SRD5A2: variants seen among roughly 807,000 people sequenced by gnomAD.
The protein encoded by SRD5A2 is 3-oxo-5-alpha-steroid 4-dehydrogenase 2.
Under a neutral mutation model 27.4 loss-of-function variants are expected in SRD5A2, and 30 were observed. The observed-to-expected ratio is 1.10, with a 90% confidence interval of 0.82 to 1.49. The LOEUF is 1.49. SRD5A2 is among the 40% of genes most tolerant of loss of function. The pLI is 0.00. For missense variants in SRD5A2, 348 were observed against 323.4 expected, an observed-to-expected ratio of 1.08 and a Z score of -0.58; for synonymous variants, 141 against 133.6, an observed-to-expected ratio of 1.06 and a Z score of -0.38.
the SRD5A2 span, among the ~76,000 whole-genome samples, chr2:31,611,633 T>A: frequency 6.6e-6 from 1 of 152,136 alleles, no homozygotes; most frequent in Non-Finnish European, 1.5e-5. Flanking sequence ...AAACATAATT[T>A]CACACCTACT....
the SRD5A2 span, among the ~76,000 whole-genome samples, chr2:31,587,827 A>G: frequency 5.3e-3 from 814 of 152,262 alleles, 6 homozygotes; most frequent in African/African-American, 0.017. Context: ...TGACGGGTTG[A>G]AGGTGCAGCA....
the SRD5A2 span, among the ~76,000 whole-genome samples, chr2:31,624,386 T>C: frequency 6.6e-6 from 1 of 152,174 alleles, no homozygotes; most frequent in Non-Finnish European, 1.5e-5. Context: ...AATTCTACTT[T>C]AAGTTCTAGG....
chr2:31,560,067 C>G (rs932106796), intron 1 of SRD5A2, among the ~76,000 whole-genome samples: 35 of 130,546 alleles, frequency 2.7e-4, no homozygotes, highest in East Asian at 7.6e-4. Flanking sequence ...CCCCCCCCCC[C>G]CTTTTTTTAA....
At chr2:31,634,903 TATG>T in the SRD5A2 span, among the ~76,000 whole-genome samples, 5 of 152,210 alleles carry the variant, frequency 3.3e-5, no homozygotes, top group African/African-American at 1.2e-4. Flanking sequence ...CCATTGGGTA[TATG>T]TAGCACATTT....
chr2:31,612,575 T>C, the SRD5A2 span, among the ~76,000 whole-genome samples: 1 of 152,190 alleles, frequency 6.6e-6, no homozygotes, highest in African/African-American at 2.4e-5. Flanking sequence ...TTAATATTGT[T>C]AAAATGTCTA....
At chr2:31,628,802 C>T in the SRD5A2 span, among the ~76,000 whole-genome samples, 7 of 152,226 alleles carry the variant, frequency 4.6e-5, no homozygotes, top group African/African-American at 1.4e-4. Context: ...TTTCTGCTTA[C>T]AGGTCTACTG....
In SRD5A2 at chr2:31,526,144, G is replaced by T. The variant is rs1665775632; in HGVS notation, c.*52C>A. 2.6e-6 allele frequency: 3 copies of T among 1,152,282 alleles called. No individual in the cohort carries two copies. Among genetic ancestry groups the T allele is most frequent in the Admixed American group, 4.0e-5 (2 of 49,654 alleles). The allele number at this position is 1,152,282 out of a possible 1,614,324, so 71.4% of individuals were successfully genotyped here. A position where few individuals can be genotyped will look rare whatever the true frequency, so the allele number is the denominator to read the frequency against. On this transcript the variant is annotated 3_prime_UTR_variant, in exon 5 of 5. Coordinates refer to ENST00000622030, the MANE Select transcript of SRD5A2 (RefSeq NM_000348.4). Reference sequence around the variant, plus strand: ...ATGAAAATTACAGTTTCAGCAGCTTGACAGTTTTCATCAGCATTGTGGGAG... The same window carrying T: ...ATGAAAATTACAGTTTCAGCAGCTTTACAGTTTTCATCAGCATTGTGGGAG...
At chr2:31,586,119 GATTT>G in the SRD5A2 span, among the ~76,000 whole-genome samples, 4 of 152,104 alleles carry the variant, frequency 2.6e-5, no homozygotes, top group Non-Finnish European at 5.9e-5. Flanking sequence ...TCTTAGTGGT[GATTT>G]CTGAGATTTT....
At chr2:31,533,104 G>T (rs529208442) in intron 2 of SRD5A2, among the ~76,000 whole-genome samples, 156 of 152,294 alleles carry the variant, frequency 1.0e-3, no homozygotes, top group African/African-American at 3.5e-3. Flanking sequence ...ATTGGTGTTA[G>T]TGAATTATAT....
At chr2:31,623,681 A>G in the SRD5A2 span, among the ~76,000 whole-genome samples, 8 of 152,064 alleles carry the variant, frequency 5.3e-5, no homozygotes, top group African/African-American at 1.9e-4. Context: ...GTCTTGAGCC[A>G]CTTTTCAAGG....
the SRD5A2 span, among the ~76,000 whole-genome samples, chr2:31,656,212 T>C: frequency 1.3e-4 from 20 of 152,338 alleles, no homozygotes; most frequent in East Asian, 3.3e-3. Context: ...CCTTCTAGCA[T>C]AGTTTTGCAT....
chr2:31,536,203 A>G lies in SRD5A2; in HGVS notation c.282-2437T>C, dbSNP rs559745467. On this transcript the variant is annotated intron_variant, in intron 1 of 4. Transcript: ENST00000622030. Reference sequence around the variant, plus strand: ...AAAGGCTACAGAAAGGTATTTTTTAAAAAGTTGTATTTTTGTAATACTTGC... The same window carrying G: ...AAAGGCTACAGAAAGGTATTTTTTAGAAAGTTGTATTTTTGTAATACTTGC... Among the ~76,000 whole-genome samples the G allele has an allele frequency of 6.6e-5, 10 of 152,366 alleles. No homozygotes were observed. In the South Asian group the frequency reaches 1.2e-3, roughly 19 times the overall value.
chr2:31,551,791 CT>C (rs1666384893), intron 1 of SRD5A2, among the ~76,000 whole-genome samples: 1 of 151,976 alleles, frequency 6.6e-6, no homozygotes, highest in Admixed American at 6.6e-5. Flanking sequence ...AGATTTAAGA[CT>C]TATTAAATAG....
Position 31,577,992 on chromosome 2 carries a change from T to A in SRD5A2, c.281+2628A>T, listed in dbSNP as rs148409459. 1.2e-4 allele frequency among the ~76,000 whole-genome samples: 18 copies of A among 152,250 alleles called. No homozygotes were observed. The East Asian group carries it at 3.5e-3, about 29-fold the overall frequency. ...TATAGGTAAATTATTATTTTTACAGTAGATGAAATAAGCAGATATTAAGAA... is the reference window on the plus strand; with the variant it reads ...TATAGGTAAATTATTATTTTTACAGAAGATGAAATAAGCAGATATTAAGAA... On this transcript the variant is annotated intron_variant, in intron 1 of 4. Transcript: ENST00000622030.
chr2:31,617,112 C>A, the SRD5A2 span, among the ~76,000 whole-genome samples: 1 of 152,122 alleles, frequency 6.6e-6, no homozygotes, highest in Admixed American at 6.5e-5. Context: ...TATGAGGCTT[C>A]CCCAGCCACG....
At chr2:31,540,427 C>G (rs764752270) in intron 1 of SRD5A2, among the ~76,000 whole-genome samples, 5 of 151,958 alleles carry the variant, frequency 3.3e-5, no homozygotes, top group Non-Finnish European at 7.4e-5. Flanking sequence ...TAAAACATAA[C>G]CAAACAATAG....
At chr2:31,616,681 T>C in the SRD5A2 span, among the ~76,000 whole-genome samples, 2 of 152,202 alleles carry the variant, frequency 1.3e-5, no homozygotes, top group Non-Finnish European at 2.9e-5. Context: ...TTCCTTTTGA[T>C]TTTACAGGCT....
chr2:31,630,832 C>A, the SRD5A2 span, among the ~76,000 whole-genome samples: 1 of 152,146 alleles, frequency 6.6e-6, no homozygotes, highest in African/African-American at 2.4e-5. Context: ...GGATTTAAAT[C>A]TTAATTACCA....
At chr2:31,591,237 C>A in the SRD5A2 span, among the ~76,000 whole-genome samples, 2 of 152,250 alleles carry the variant, frequency 1.3e-5, no homozygotes, top group Admixed American at 6.5e-5. Context: ...AACAAATTTA[C>A]AAGAGAAAAA....
Sources: gnomAD v4.1 joint callset for allele counts (sites outside exome capture counted in the v4.1 genomes callset) on GRCh38, gnomAD v4.1.1 for gene constraint, MANE v1.5 for transcripts, NCBI Gene and HGNC (gene_info 2026-07-23, HGNC 2026-07-21) for gene names.